The following PKN2 variants were observed in gnomAD, a reference collection of about 807,000 sequenced individuals.
The protein encoded by PKN2 is serine/threonine-protein kinase N2.
Under a neutral mutation model 119.1 loss-of-function variants are expected in PKN2, and 38 were observed. The ratio of observed to expected loss-of-function variants is 0.32; its 90% CI spans 0.25 to 0.42. The LOEUF (loss-of-function observed/expected upper bound fraction) is 0.42. PKN2 is among the 10% of genes least tolerant of loss of function. The pLI is 1.00. For missense variants in PKN2, 850 were observed against 1,165.1 expected, an observed-to-expected ratio of 0.73 and a Z score of 3.94; for synonymous variants, 390 against 384.9, an observed-to-expected ratio of 1.01 and a Z score of -0.15.
At chr1:88,721,585 T>A (rs1244166256) in intron 1 of PKN2, among the ~76,000 whole-genome samples, 9 of 152,054 alleles carry the variant, frequency 5.9e-5, no homozygotes, top group Non-Finnish European at 1.2e-4. Context: ...TATTGGGAGG[T>A]CTGCTTAATA....
intron 8 of PKN2, among the ~76,000 whole-genome samples, chr1:88,800,611 T>C (rs1671264797): frequency 6.6e-6 from 1 of 152,228 alleles, no homozygotes; most frequent in Non-Finnish European, 1.5e-5. Flanking sequence ...CTGTGTTCCC[T>C]ATGAAAAGTG....
At chr1:88,703,945 TAA>T (rs1022281693) in intron 1 of PKN2, among the ~76,000 whole-genome samples, 1 of 152,120 alleles carries the variant, frequency 6.6e-6, no homozygotes, top group African/African-American at 2.4e-5. Flanking sequence ...AGAAAAAGAA[TAA>T]GAGACTTAAA....
At chr1:88,736,416 T>G (rs1405472361) in intron 1 of PKN2, among the ~76,000 whole-genome samples, 1 of 151,990 alleles carries the variant, frequency 6.6e-6, no homozygotes, top group Non-Finnish European at 1.5e-5. Context: ...CAGGCTGGAG[T>G]GCAGTGGAAT....
intron 17 of PKN2, among the ~76,000 whole-genome samples, chr1:88,822,225 A>G (rs970088044): frequency 1.3e-5 from 2 of 152,196 alleles, no homozygotes; most frequent in South Asian, 2.1e-4. Context: ...AAAATAGTCA[A>G]ATTATGAGTT....
chr1:88,694,068 T>A (rs1334638904), intron 1 of PKN2, among the ~76,000 whole-genome samples: 1 of 152,226 alleles, frequency 6.6e-6, no homozygotes, highest in Non-Finnish European at 1.5e-5. Context: ...TATGTACATA[T>A]GCATTATCGA....
intron 1 of PKN2, among the ~76,000 whole-genome samples, chr1:88,691,397 T>C (rs1666329953): frequency 6.6e-6 from 1 of 152,186 alleles, no homozygotes; most frequent in Non-Finnish European, 1.5e-5. Flanking sequence ...TTAATCATAC[T>C]GTTTTCCCTT....
At chr1:88,739,245 G>A (rs986454926) in intron 1 of PKN2, among the ~76,000 whole-genome samples, 2 of 151,976 alleles carry the variant, frequency 1.3e-5, no homozygotes, top group African/African-American at 4.8e-5. Flanking sequence ...CGTCAAGGTG[G>A]GAGGATCACT....
At chr1:88,831,158 C>T (rs1672714345) in intron 19 of PKN2, among the ~76,000 whole-genome samples, 1 of 151,906 alleles carries the variant, frequency 6.6e-6, no homozygotes, top group Non-Finnish European at 1.5e-5. Context: ...GTGTTGACAT[C>T]TGAACAGACT....
chr1:88,784,923 G>C, intron 7 of PKN2, 99 bp downstream of exon 7: 1 of 561,062 alleles, frequency 1.8e-6, no homozygotes, highest in Non-Finnish European at 2.8e-6. Flanking sequence ...TTAAAATTAT[G>C]GTTTTTATAA....
rs2100829076 is a variant in PKN2, at chr1:88,784,722, C to T, written c.1069C>T (p.Pro357Ser). The change falls in exon 7 of 22, where the codon CCT becomes TCT. Residue 357 changes from proline (P) to serine (S), a missense_variant. Around this residue, in one of 9 missense-constraint regions of PKN2, gnomAD observed 350 missense variants for 511.1 expected, o/e 0.68. Transcript: ENST00000370521. ...GRSKATSVALPGWSPSETRSS... is the reference protein window; with the variant it reads ...GRSKATSVALSGWSPSETRSS... ...GTCAAAAGCAACATCAGTTGCACTG[C>T]CTGGTTGGAGTCCAAGTGAAACCAG... 1 of 1,611,978 alleles carries T rather than the reference C, an allele frequency of 6.2e-7. No homozygotes were observed. The highest frequency in any genetic ancestry group is 8.5e-7 in the Non-Finnish European group (1 of 1,178,490).
chr1:88,753,235 TA>T (rs1204986156), intron 2 of PKN2, among the ~76,000 whole-genome samples: 35 of 152,316 alleles, frequency 2.3e-4, no homozygotes, highest in African/African-American at 7.9e-4. Context: ...ATGACTTTTT[TA>T]TTTGTTTATA....
chr1:88,744,933 T>G (rs1427892253), intron 2 of PKN2, among the ~76,000 whole-genome samples: 1 of 152,206 alleles, frequency 6.6e-6, no homozygotes, highest in Non-Finnish European at 1.5e-5. Context: ...AATTTTTTAT[T>G]TTCTCATCAT....
At chr1:88,804,343 C>T in intron 8 of PKN2, 48 bp from the exon 9 acceptor site, 3 of 1,385,878 alleles carry the variant, frequency 2.2e-6, no homozygotes, top group Non-Finnish European at 2.0e-6. Context: ...AGTGTGTGTC[C>T]AATGATGTCT....
intron 1 of PKN2, among the ~76,000 whole-genome samples, chr1:88,685,658 T>C (rs1042705477): frequency 5.3e-5 from 8 of 152,340 alleles, no homozygotes; most frequent in Admixed American, 4.6e-4. Context: ...TTATTTTGCT[T>C]TATTTTAATA....
intron 8 of PKN2, among the ~76,000 whole-genome samples, chr1:88,798,557 G>A (rs560226298): frequency 3.9e-5 from 6 of 152,134 alleles, no homozygotes; most frequent in African/African-American, 1.4e-4. Flanking sequence ...AAAACTAAGA[G>A]GATATGTTAA....
chr1:88,779,630 T>A (rs780326725), intron 6 of PKN2, among the ~76,000 whole-genome samples: 3 of 152,180 alleles, frequency 2.0e-5, no homozygotes, highest in Non-Finnish European at 4.4e-5. Context: ...CTTTCCAGAA[T>A]CCTTTAATTT....
intron 6 of PKN2, among the ~76,000 whole-genome samples, chr1:88,778,736 CAG>C (rs1670207022): frequency 6.6e-6 from 1 of 150,676 alleles, no homozygotes; most frequent in South Asian, 2.1e-4. Flanking sequence ...TTTTTCGAGA[CAG>C]AGTCTCGCTC....
chr1:88,695,122 A>G (rs1348407973), intron 1 of PKN2, among the ~76,000 whole-genome samples: 2 of 151,918 alleles, frequency 1.3e-5, no homozygotes, highest in East Asian at 3.9e-4. Context: ...GCGAGACTCC[A>G]TCTCAAAAAA....
intron 6 of PKN2, among the ~76,000 whole-genome samples, chr1:88,775,479 G>C (rs1447798000): frequency 6.6e-6 from 1 of 152,102 alleles, no homozygotes; most frequent in Non-Finnish European, 1.5e-5. Context: ...CTATTGTGTG[G>C]ATGTACCATA....
Sources: gnomAD v4.1 joint callset for allele counts (sites outside exome capture counted in the v4.1 genomes callset) on GRCh38, gnomAD v4.1.1 for gene constraint, gnomAD v4.1.1 regional missense constraint, MANE v1.5 for transcripts, NCBI Gene and HGNC (gene_info 2026-07-23, HGNC 2026-07-21) for gene names.